The following EYS variants were observed in gnomAD, a reference collection of about 807,000 sequenced individuals.
EYS encodes the protein EGF-like photoreceptor maintenance factor.
A neutral mutation model predicts 282.1 loss-of-function variants in EYS; 250 were observed. That is an observed-to-expected ratio of 0.89 (90% CI 0.80 to 0.98). The LOEUF (loss-of-function observed/expected upper bound fraction) is 0.98. Ranked by LOEUF, EYS falls within the 50% of genes least tolerant of loss-of-function variation. The probability of loss-of-function intolerance (pLI) is 0.00; values close to 1 mark genes in which losing one functional copy is unlikely to be tolerated. For missense variants in EYS, 4,016 were observed against 3,709.0 expected, an observed-to-expected ratio of 1.08 and a Z score of -2.15; for synonymous variants, 1,355 against 1,282.9, an observed-to-expected ratio of 1.06 and a Z score of -1.20.
intron 29 of EYS, among the ~76,000 whole-genome samples, chr6:64,350,437 T>C (rs1771581399): frequency 7.1e-6 from 1 of 141,500 alleles, no homozygotes; most frequent in South Asian, 2.4e-4. Context: ...GTTAACCCAC[T>C]ATCCAGTTAT....
chr6:64,606,817 C>T (rs1425573777), intron 24 of EYS, among the ~76,000 whole-genome samples: 1 of 152,006 alleles, frequency 6.6e-6, no homozygotes, highest in Non-Finnish European at 1.5e-5. Flanking sequence ...AAAACAGTTA[C>T]AGAAAGTAAG....
intron 1 of EYS, among the ~76,000 whole-genome samples, chr6:65,683,112 C>T (rs755151097): frequency 3.9e-5 from 6 of 151,938 alleles, no homozygotes; most frequent in Admixed American, 1.3e-4. Flanking sequence ...ATTCCCAAAC[C>T]TTCTTTACCC....
At chr6:64,757,347 C>T (rs1477232406) in intron 22 of EYS, among the ~76,000 whole-genome samples, 4 of 152,138 alleles carry the variant, frequency 2.6e-5, no homozygotes, top group Non-Finnish European at 4.4e-5. Flanking sequence ...TCTATTATAA[C>T]TCTTAGTGCA....
At chr6:64,293,518 G>C (rs1768789145) in intron 30 of EYS, among the ~76,000 whole-genome samples, 1 of 152,046 alleles carries the variant, frequency 6.6e-6, no homozygotes, top group Non-Finnish European at 1.5e-5. Context: ...TTATTTAAAA[G>C]AGGATGGCAG....
At chr6:63,800,230 G>A (rs948240116) in intron 37 of EYS, among the ~76,000 whole-genome samples, 1 of 152,172 alleles carries the variant, frequency 6.6e-6, no homozygotes, top group Non-Finnish European at 1.5e-5. Context: ...TTGTGATAGA[G>A]GTTGTGTGTG....
At chr6:65,096,418 C>A (rs192795225) in intron 12 of EYS, among the ~76,000 whole-genome samples, 91 of 150,876 alleles carry the variant, frequency 6.0e-4, no homozygotes, top group Non-Finnish European at 1.1e-3. Context: ...TGTCCACAAT[C>A]ACAAAGTGAT....
At chr6:64,697,772 T>C (rs751840642) in intron 22 of EYS, among the ~76,000 whole-genome samples, 1 of 151,782 alleles carries the variant, frequency 6.6e-6, no homozygotes, top group Non-Finnish European at 1.5e-5. Context: ...TGAAACCCCA[T>C]CTCTACTAAA....
chr6:64,820,975 C>T (rs1310470608), intron 21 of EYS, among the ~76,000 whole-genome samples: 1 of 151,934 alleles, frequency 6.6e-6, no homozygotes, highest in Non-Finnish European at 1.5e-5. Flanking sequence ...AGTTTGTATG[C>T]TTCCTCCCTT....
At chr6:64,677,595 A>C (rs1039999102) in intron 22 of EYS, among the ~76,000 whole-genome samples, 8 of 152,148 alleles carry the variant, frequency 5.3e-5, no homozygotes, top group Admixed American at 1.3e-4. Context: ...TTTATTTTAT[A>C]GTTTGGTAAT....
chr6:64,063,431 CCT>C (rs1771250553), intron 33 of EYS, among the ~76,000 whole-genome samples: 1 of 152,030 alleles, frequency 6.6e-6, no homozygotes, highest in African/African-American at 2.4e-5. Context: ...GTTTTTGACA[CCT>C]CTATTTTCAC....
intron 16 of EYS, among the ~76,000 whole-genome samples, chr6:64,909,837 G>C (rs1767938382): frequency 6.6e-6 from 1 of 152,060 alleles, no homozygotes; most frequent in African/African-American, 2.4e-5. Context: ...TACCTGCTAA[G>C]CATGCAGTCT....
intron 22 of EYS, among the ~76,000 whole-genome samples, chr6:64,687,848 C>T (rs1478419425): frequency 6.6e-6 from 1 of 152,052 alleles, no homozygotes; most frequent in African/African-American, 2.4e-5. Context: ...TCAGTCTGGT[C>T]CTGGAATTTT....
intron 16 of EYS, among the ~76,000 whole-genome samples, chr6:64,905,378 T>C (rs1767792247): frequency 6.6e-6 from 1 of 152,208 alleles, no homozygotes. Context: ...TTTATGCTGT[T>C]CCCCTGTTCT....
At chr6:65,410,344 C>T (rs1766934315) in intron 5 of EYS, among the ~76,000 whole-genome samples, 2 of 152,010 alleles carry the variant, frequency 1.3e-5, no homozygotes, top group South Asian at 2.1e-4. Flanking sequence ...ATGATCCAAT[C>T]GGGATAGTTA....
At position 65,109,145 on chromosome 6, in the gene EYS, A is replaced by G. The variant is rs188734580; in HGVS notation, c.2024-51418T>C. On this transcript the variant is annotated intron_variant, in intron 12 of 42. Coordinates refer to ENST00000503581, the MANE Select transcript of EYS (RefSeq NM_001142800.2). ...AACATACATGTAAGATAATCTATAC[A>G]AACTATTTTTATTTTTTTCTTTGAT... 2.4e-3 allele frequency among the ~76,000 whole-genome samples: 361 copies of G among 152,140 alleles called. 4 individuals are homozygous for G. The highest frequency in any genetic ancestry group is 3.4e-3 in the Middle Eastern group (1 of 292).
intron 2 of EYS, among the ~76,000 whole-genome samples, chr6:65,542,732 C>CTACT (rs1268931286): frequency 2.0e-5 from 3 of 151,950 alleles, no homozygotes; most frequent in Non-Finnish European, 4.4e-5. Flanking sequence ...TAAACACCGG[C>CTACT]TACTTGATAA....
intron 12 of EYS, among the ~76,000 whole-genome samples, chr6:65,115,355 A>G (rs1480150308): frequency 6.6e-6 from 1 of 151,988 alleles, no homozygotes; most frequent in Non-Finnish European, 1.5e-5. Context: ...ACTGTTTTGC[A>G]GTTATTTTAG....
intron 18 of EYS, among the ~76,000 whole-genome samples, chr6:64,894,859 ATCT>A (rs998169815): frequency 5.1e-4 from 78 of 152,244 alleles, no homozygotes; most frequent in African/African-American, 1.8e-3. Context: ...CCACAAATAC[ATCT>A]TCTCTTTGAT....
In EYS at chr6:64,607,289, T is replaced by TA. The variant is rs879930111; in HGVS notation, c.3684+10128dup. Among the ~76,000 whole-genome samples, 793 of 141,874 alleles carry TA rather than the reference T, an allele frequency of 5.6e-3. 5 individuals are homozygous for TA. The highest frequency in any genetic ancestry group is 5.7e-3 in the Non-Finnish European group (366 of 64,476). 93.1% of individuals were successfully genotyped at this position (141,874 alleles called of 152,430 possible). On this transcript the variant is annotated intron_variant, in intron 24 of 42. Coordinates refer to ENST00000503581, the MANE Select transcript of EYS (RefSeq NM_001142800.2). Reference sequence around the variant, plus strand: ...CCATGTGAAGAAAAGAAGTTTTGGTTAAAAAAAAAAAAGAAAAAATTGAAG... The same window carrying TA: ...CCATGTGAAGAAAAGAAGTTTTGGTTAAAAAAAAAAAAAGAAAAAATTGAAG...
Sources: gnomAD v4.1 joint callset for allele counts (sites outside exome capture counted in the v4.1 genomes callset) on GRCh38, gnomAD v4.1.1 for gene constraint, MANE v1.5 for transcripts, NCBI Gene and HGNC (gene_info 2026-07-23, HGNC 2026-07-21) for gene names.